Variants in ZNF653 observed in about 807,000 individuals in gnomAD.
The protein encoded by ZNF653 is 67 kDa zinc finger protein.
Under a neutral mutation model 59.9 loss-of-function variants are expected in ZNF653, and 37 were observed. The ratio of observed to expected loss-of-function variants is 0.62; its 90% CI spans 0.48 to 0.81. ZNF653 has a LOEUF of 0.81. ZNF653 is among the 40% of genes least tolerant of loss of function. The probability of loss-of-function intolerance (pLI) is 0.00; values close to 1 mark genes in which losing one functional copy is unlikely to be tolerated. For missense variants in ZNF653, 808 were observed against 881.1 expected, an observed-to-expected ratio of 0.92 and a Z score of 1.05; for synonymous variants, 435 against 371.8, an observed-to-expected ratio of 1.17 and a Z score of -1.96.
At position 11,484,291 on chromosome 19, in the gene ZNF653, G is replaced by A. The variant is rs377301584; in HGVS notation, c.1571-150C>T. 676 of 664,130 alleles carry A rather than the reference G, an allele frequency of 1.0e-3. 13 individuals are homozygous for A. The South Asian group carries it at 0.011, about 11-fold the overall frequency. The allele number at this position is 664,130 out of a possible 1,614,324, so 41.1% of individuals were successfully genotyped here. On this transcript the variant is annotated intron_variant, in intron 7 of 8. Coordinates refer to ENST00000293771, the MANE Select transcript of ZNF653 (RefSeq NM_138783.4). ...GCCGACCAAACCCTACGTCCTTCCC[G>A]TGCATTTGCCCACAGACGCCATCAA...
chr19:11,504,525 A>T, intron 1 of ZNF653: 1 of 985,448 alleles, frequency 1.0e-6, no homozygotes, highest in Non-Finnish European at 1.2e-6. Context: ...CAGCATTTCC[A>T]GTCCTGCTCT....
intron 3 of ZNF653, among the ~76,000 whole-genome samples, chr19:11,493,922 G>A (rs1971554689): frequency 6.6e-6 from 1 of 152,098 alleles, no homozygotes; most frequent in Non-Finnish European, 1.5e-5. Context: ...AGGAGGCCAG[G>A]GTGGGAGGAT....
At position 11,484,921 on chromosome 19, in the gene ZNF653, G is replaced by A. The variant is rs1292753020; in HGVS notation, c.1570+735C>T. On this transcript the variant is annotated intron_variant, in intron 7 of 8. Coordinates refer to ENST00000293771, the MANE Select transcript of ZNF653 (RefSeq NM_138783.4). The stretch of plus-strand genomic sequence containing the variant: ...AAAAAATTAGCTGGCATGGTGGTGA[G>A]CGCCTGTAATCCCAGATACTTGGGA... Among the ~76,000 whole-genome samples, 3 of 151,218 alleles carry A rather than the reference G, an allele frequency of 2.0e-5. No individual in the cohort carries two copies. In the East Asian group the frequency reaches 5.9e-4, roughly 30 times the overall value.
chr19:11,497,310 A>G (rs1971598853), intron 2 of ZNF653, among the ~76,000 whole-genome samples: 1 of 152,212 alleles, frequency 6.6e-6, no homozygotes, highest in African/African-American at 2.4e-5. Context: ...GGCCTGGTTC[A>G]TAGCAGGTGC....
Position 11,487,393 on chromosome 19 carries a change from G to T in ZNF653, c.1070C>A (p.Ala357Asp). 1 of 1,612,386 alleles carries T rather than the reference G, an allele frequency of 6.2e-7. No individual in the cohort carries two copies. The change falls in exon 4 of 9, where the codon GCC (alanine) becomes GAC (aspartate). Residue 357 changes from alanine (A) to aspartate (D), a missense_variant. Coordinates refer to ENST00000293771, the MANE Select transcript of ZNF653 (RefSeq NM_138783.4). The surrounding 1 kb of genome is among the most constrained non-coding windows in gnomAD (Gnocchi z 5.1). ...GTAGGCTGCCACACCCTCCATCATG[G>T]CACAGGGCACCTCCTCGCCCAGTCC... ...GSGLGEEVPC[A>D]MMEGVAAYTQ...
At chr19:11,489,450 G>A (rs1045173524) in intron 3 of ZNF653, among the ~76,000 whole-genome samples, 10 of 152,020 alleles carry the variant, frequency 6.6e-5, no homozygotes, top group African/African-American at 2.2e-4. Context: ...CTGCCCGCCC[G>A]GGCCTCCCAA....
At chr19:11,493,621 G>A (rs1440015406) in intron 3 of ZNF653, among the ~76,000 whole-genome samples, 2 of 152,178 alleles carry the variant, frequency 1.3e-5, no homozygotes, top group African/African-American at 4.8e-5. Flanking sequence ...GTGTCCTAAT[G>A]AGTGGAGGGA....
chr19:11,484,031 C>A lies in ZNF653; in HGVS notation c.1670+11G>T, dbSNP rs1971437946. The A allele has an allele frequency of 1.9e-6, 3 of 1,552,936 alleles. No individual in the cohort carries two copies. The highest frequency in any genetic ancestry group is 2.6e-6 in the Non-Finnish European group (3 of 1,148,266). On this transcript the variant is annotated intron_variant, in intron 8 of 8. Coordinates refer to ENST00000293771, the MANE Select transcript of ZNF653 (RefSeq NM_138783.4). ...CAATCCTCTAGCGGCACGGGGCGGC[C>A]TGTCACTCACTGCAGGGGGGTCTCG...
Position 11,487,634 on chromosome 19 carries a change from C to G in ZNF653, c.829G>C (p.Val277Leu), listed in dbSNP as rs758994918. Residue 277 changes from valine (V) to leucine (L), a missense_variant, in exon 4 of 9, where the codon GTG (valine) becomes CTG (leucine). Physicochemically the swap from Val to Leu is conservative, Grantham distance 32 (BLOSUM62 1). Transcript: ENST00000293771. This position sits in a 1 kb window ranked among gnomAD's most constrained non-coding sequence, Gnocchi z 5.1. The stretch of plus-strand genomic sequence containing the variant: ...ACTTGCACAGGCACCGGCACGCACA[C>G]CACTGTCTCCAGGGCTTCAGGCCCA... ...GNGPEALETV[V>L]CVPVPVQVGA... is the part of the protein sequence containing the mutation. The G allele has an allele frequency of 1.2e-6, 2 of 1,613,876 alleles. No individual in the cohort carries two copies. Among genetic ancestry groups the G allele is most frequent in the South Asian group, 2.2e-5 (2 of 91,088 alleles).
At position 11,495,581 on chromosome 19, in the gene ZNF653, G is replaced by A. The variant is rs1342387344; in HGVS notation, c.559+369C>T. 2 of 329,880 alleles carry A rather than the reference G, an allele frequency of 6.1e-6. No homozygotes were observed. The highest frequency in any genetic ancestry group is 2.8e-5 in the South Asian group (1 of 36,104). The allele number at this position is 329,880 out of a possible 1,614,324, so 20.4% of individuals were successfully genotyped here. ...GCATCACAGCCTATGAAGCCATAAG[G>A]CCTGGGTGGTTTAGGCGGCCGTTTC... On this transcript the variant is annotated intron_variant, in intron 3 of 8. Transcript: ENST00000293771. This position sits in a 1 kb window ranked among gnomAD's most constrained non-coding sequence, Gnocchi z 4.9.
Position 11,505,113 on chromosome 19 carries a change from G to A in ZNF653, c.299+375C>T, listed in dbSNP as rs75296483. 9.3e-4 allele frequency: 192 copies of A among 207,030 alleles called. 4 individuals are homozygous for A. In the East Asian group the frequency reaches 0.02, roughly 22 times the overall value. The allele number at this position is 207,030 out of a possible 1,614,324, so 12.8% of individuals were successfully genotyped here. A position where few individuals can be genotyped will look rare whatever the true frequency, so the allele number is the denominator to read the frequency against. On this transcript the variant is annotated intron_variant, in intron 1 of 8. Coordinates refer to ENST00000293771, the MANE Select transcript of ZNF653 (RefSeq NM_138783.4). The stretch of plus-strand genomic sequence containing the variant: ...GGTGTCCAGAGTCCCAGGCCAGGTG[G>A]GGAACTAAGCGGGGGAGGATGAGAC...
intron 3 of ZNF653, among the ~76,000 whole-genome samples, chr19:11,491,870 C>T (rs1392944651): frequency 6.6e-6 from 1 of 151,982 alleles, no homozygotes; most frequent in Non-Finnish European, 1.5e-5. Context: ...AGCCACCGCA[C>T]CCGGCCGGCT....
chr19:11,494,354 T>TAACATAACATAACATAACATAACATAA (rs1971560620), intron 3 of ZNF653, among the ~76,000 whole-genome samples: 1 of 146,556 alleles, frequency 6.8e-6, no homozygotes, highest in African/African-American at 2.7e-5. Context: ...TAACATAACA[T>TAACATAACATAACATAACATAACATAA]AACATAACAT....
At chr19:11,489,612 C>T (rs572662362) in intron 3 of ZNF653, among the ~76,000 whole-genome samples, 10 of 152,160 alleles carry the variant, frequency 6.6e-5, no homozygotes, top group Non-Finnish European at 1.2e-4. Flanking sequence ...GGATTACAGG[C>T]GGGAGCCACC....
At position 11,487,628 on chromosome 19, in the gene ZNF653, C is replaced by G. The variant is rs148120504; in HGVS notation, c.835G>C (p.Val279Leu). 3 of 1,613,868 alleles carry G rather than the reference C, an allele frequency of 1.9e-6. No homozygotes were observed. The highest frequency in any genetic ancestry group is 2.5e-6 in the Non-Finnish European group (3 of 1,179,980). The change falls in exon 4 of 9, where the codon GTG (valine) becomes CTG (leucine). Residue 279 changes from valine to leucine, a missense_variant. Transcript: ENST00000293771. The surrounding 1 kb of genome is among the most constrained non-coding windows in gnomAD (Gnocchi z 5.1). ...GCACCCACTTGCACAGGCACCGGCACGCACACCACTGTCTCCAGGGCTTCA... is the reference window on the plus strand; with the variant it reads ...GCACCCACTTGCACAGGCACCGGCAGGCACACCACTGTCTCCAGGGCTTCA... ...GPEALETVVC[V>L]PVPVQVGAGP...
intron 2 of ZNF653, among the ~76,000 whole-genome samples, chr19:11,497,044 C>T (rs1971596006): frequency 6.6e-6 from 1 of 152,210 alleles, no homozygotes; most frequent in African/African-American, 2.4e-5. Flanking sequence ...GTGCCTGCTT[C>T]CTCTAGATAA....
At chr19:11,505,305 G>A (rs1971700901) in intron 1 of ZNF653, 183 bp downstream of exon 1, 1 of 582,130 alleles carries the variant, frequency 1.7e-6, no homozygotes, top group Non-Finnish European at 2.7e-6. Flanking sequence ...GGAACGATGG[G>A]AGGCGGGGCC....
At chr19:11,502,483 G>C (rs79925707) in intron 1 of ZNF653, among the ~76,000 whole-genome samples, 5,022 of 152,180 alleles carry the variant, frequency 0.033, 113 homozygotes, top group East Asian at 0.077. Flanking sequence ...GGCCAACCTT[G>C]TATCACAATG....
chr19:11,486,923 C>T (rs1971472204), intron 5 of ZNF653, 43 bp from the exon 6 acceptor site: 5 of 1,611,260 alleles, frequency 3.1e-6, no homozygotes, highest in Non-Finnish European at 4.2e-6. Context: ...CCGCACCAGG[C>T]AGGCTGGGGG....
Sources: gnomAD v4.1 joint callset for allele counts (sites outside exome capture counted in the v4.1 genomes callset) on GRCh38, gnomAD v4.1.1 for gene constraint, Gnocchi (gnomAD v3.1) non-coding constraint, MANE v1.5 for transcripts, NCBI Gene and HGNC (gene_info 2026-07-23, HGNC 2026-07-21) for gene names.